CDADC1: variants seen among roughly 807,000 people sequenced by gnomAD.
CDADC1 encodes the protein cytidine and dCMP deaminase domain containing 1.
Under a neutral mutation model 54.9 loss-of-function variants are expected in CDADC1, and 39 were observed. That is an observed-to-expected ratio of 0.71 (90% CI 0.55 to 0.93). The LOEUF is 0.93. Among genes scored for constraint, CDADC1 ranks in the 40% least tolerant of loss-of-function variants. The probability of loss-of-function intolerance (pLI) is 0.00; values close to 1 mark genes in which losing one functional copy is unlikely to be tolerated. For missense variants in CDADC1, 518 were observed against 618.8 expected (o/e 0.84, Z 1.73); for synonymous variants, 186 against 204.0 (o/e 0.91, Z 0.75).
chr13:49,248,326 C>T, intron 1 of CDADC1: 1 of 550,902 alleles, frequency 1.8e-6, no homozygotes, highest in Non-Finnish European at 3.3e-6. Context: ...CGCTTTTTAC[C>T]CCTGTTAGCT....
intron 1 of CDADC1, 93 bp downstream of exon 1, chr13:49,248,212 C>T: frequency 8.8e-7 from 1 of 1,135,106 alleles, no homozygotes; most frequent in Non-Finnish European, 1.3e-6. Flanking sequence ...GTCTGAGCCT[C>T]TTTGCCTCCC....
In CDADC1 at chr13:49,268,018, G is replaced by A; in HGVS notation, c.959G>A (p.Arg320Lys). 1 of 1,613,600 alleles carries A rather than the reference G, an allele frequency of 6.2e-7. No individual in the cohort carries two copies. Among genetic ancestry groups the A allele is most frequent in the South Asian group, 1.1e-5 (1 of 91,078 alleles). Residue 320 changes from arginine (R) to lysine (K), a missense_variant, in exon 5 of 10, where the codon AGG (arginine) becomes AAG (lysine). Transcript: ENST00000251108. ...CAAAGTTTGCCACAGGAAATTGCAA[G>A]GCACTGCATGGTTCAGGCCAGGTTA... ...HNQSLPQEIA[R>K]HCMVQARLLA...
intron 6 of CDADC1, among the ~76,000 whole-genome samples, chr13:49,276,936 G>A (rs1447255831): frequency 2.0e-5 from 3 of 152,162 alleles, no homozygotes; most frequent in African/African-American, 7.2e-5. Context: ...TAATGATTTT[G>A]TGGAGAATGT....
intron 8 of CDADC1, among the ~76,000 whole-genome samples, chr13:49,282,257 C>CTTTTGT (rs1953371849): frequency 2.7e-5 from 1 of 37,702 alleles, no homozygotes; most frequent in Non-Finnish European, 5.6e-5. Flanking sequence ...TTTTTTTTTG[C>CTTTTGT]TTTTGTTTTT....
chr13:49,260,094 T>TA (rs1343975440), intron 4 of CDADC1, among the ~76,000 whole-genome samples: 1 of 151,968 alleles, frequency 6.6e-6, no homozygotes, highest in Non-Finnish European at 1.5e-5. Context: ...ACCCTGTCTC[T>TA]AAAAAATAAA....
chr13:49,257,328 A>G (rs9535176), intron 3 of CDADC1, among the ~76,000 whole-genome samples: 141,097 of 152,126 alleles, frequency 0.93, 66,237 homozygotes, highest in East Asian at 1. Flanking sequence ...TTTATGTTTT[A>G]TTCTGGCTTT....
intron 4 of CDADC1, chr13:49,266,095 CTT>C: frequency 3.1e-6 from 1 of 325,970 alleles, no homozygotes; most frequent in Non-Finnish European, 5.4e-6. Context: ...TTAACTGAGA[CTT>C]TTTAGTTCAT....
chr13:49,285,956 G>A (rs1566378648), intron 8 of CDADC1, among the ~76,000 whole-genome samples: 1 of 152,050 alleles, frequency 6.6e-6, no homozygotes, highest in Non-Finnish European at 1.5e-5. Context: ...TAGGACTACA[G>A]GCGCGTGCCA....
intron 4 of CDADC1, 131 bp from the exon 5 acceptor site, chr13:49,267,359 T>C: frequency 1.3e-6 from 1 of 788,462 alleles, no homozygotes; most frequent in Non-Finnish European, 2.0e-6. Context: ...GGCTATATAA[T>C]AGGTGACTTG....
intron 4 of CDADC1, among the ~76,000 whole-genome samples, chr13:49,265,081 T>C (rs1952786780): frequency 6.6e-6 from 1 of 152,228 alleles, no homozygotes; most frequent in Non-Finnish European, 1.5e-5. Context: ...ACTATTGCAA[T>C]AGCTGCAATT....
chr13:49,275,296 G>A (rs530193201), intron 6 of CDADC1, among the ~76,000 whole-genome samples: 16 of 151,942 alleles, frequency 1.1e-4, no homozygotes, highest in South Asian at 4.2e-4. Flanking sequence ...ATGTTGACCA[G>A]GCTGGTCTTG....
At chr13:49,258,987 A>G (rs1952609839) in intron 3 of CDADC1, among the ~76,000 whole-genome samples, 1 of 152,214 alleles carries the variant, frequency 6.6e-6, no homozygotes, top group South Asian at 2.1e-4. Flanking sequence ...CTTTATTACC[A>G]TCTAGAAGCT....
intron 3 of CDADC1, 57 bp from the exon 4 acceptor site, chr13:49,259,289 A>C: frequency 8.7e-7 from 1 of 1,155,960 alleles, no homozygotes; most frequent in Non-Finnish European, 1.2e-6. Context: ...AGTATAATCC[A>C]TAATATGATT....
At position 49,286,425 on chromosome 13, in the gene CDADC1, A is replaced by G. The variant is rs1209990285; in HGVS notation, c.1471+143A>G. 6.2e-6 allele frequency: 4 copies of G among 643,386 alleles called. No individual in the cohort carries two copies. In the African/African-American group the frequency reaches 7.3e-5, roughly 12 times the overall value. 39.9% of individuals were successfully genotyped at this position (643,386 alleles called of 1,614,324 possible). On this transcript the variant is annotated intron_variant, in intron 9 of 9. Transcript: ENST00000251108. ...TAGATTTTTGCCATTCAATTTGTTC[A>G]TAAATATTTGTGGGTCTACCATATG...
In CDADC1 at chr13:49,248,020, G is replaced by A; in HGVS notation, c.-18G>A. The A allele has an allele frequency of 1.3e-6, 2 of 1,551,390 alleles. No homozygotes were observed. ...ACTGGGAGAGGTTTCCTTGGCAGCA[G>A]AGGACGCTAGGTTTGGGATGAAAGA... On this transcript the variant is annotated 5_prime_UTR_variant, in exon 1 of 10. Transcript: ENST00000251108.
intron 4 of CDADC1, chr13:49,265,774 G>C: frequency 1.0e-6 from 1 of 982,480 alleles, no homozygotes; most frequent in Non-Finnish European, 1.4e-6. Flanking sequence ...ATTTTTAAGA[G>C]TGTTAAGGAA....
At chr13:49,283,754 C>T (rs1336905469) in intron 8 of CDADC1, among the ~76,000 whole-genome samples, 1 of 152,188 alleles carries the variant, frequency 6.6e-6, no homozygotes, top group African/African-American at 2.4e-5. Flanking sequence ...CGGAAATACC[C>T]TCACTCAGGC....
At chr13:49,285,182 CTTTTTTT>C (rs57516377) in intron 8 of CDADC1, among the ~76,000 whole-genome samples, 1 of 131,862 alleles carries the variant, frequency 7.6e-6, no homozygotes, top group Non-Finnish European at 1.6e-5. Context: ...TTTCTTTTTT[CTTTTTTT>C]TTTTTGTGAG....
chr13:49,271,118 A>T (rs965304426), intron 5 of CDADC1, among the ~76,000 whole-genome samples: 1 of 152,234 alleles, frequency 6.6e-6, no homozygotes, highest in Non-Finnish European at 1.5e-5. Flanking sequence ...AGATGTCATG[A>T]AAAGTATGTT....
Sources: allele counts gnomAD v4.1 joint callset (sites outside exome capture counted in the v4.1 genomes callset), GRCh38; gene constraint gnomAD v4.1.1; transcripts MANE v1.5; gene names NCBI Gene and HGNC (gene_info 2026-07-23, HGNC 2026-07-21).